The following SEC14L4 variants were observed in gnomAD, a reference collection of about 807,000 sequenced individuals.
The protein encoded by SEC14L4 is SEC14-like protein 4.
A neutral mutation model predicts 55.1 loss-of-function variants in SEC14L4; 42 were observed. The ratio of observed to expected loss-of-function variants is 0.76; its 90% confidence interval spans 0.60 to 0.99. SEC14L4 has a LOEUF of 0.99. Among genes scored for constraint, SEC14L4 ranks in the 50% least tolerant of loss-of-function variants. The pLI is 0.00. For synonymous variants in SEC14L4, 206 were observed against 206.8 expected (o/e 1.00, Z 0.03); for missense variants, 445 against 512.1 (o/e 0.87, Z 1.27).
At chr22:30,498,303 A>C (rs1936215223) in intron 2 of SEC14L4, among the ~76,000 whole-genome samples, 1 of 151,532 alleles carries the variant, frequency 6.6e-6, no homozygotes, top group Non-Finnish European at 1.5e-5. Context: ...TTGTATTTTT[A>C]TTAGCCAGGT....
chr22:30,504,288 C>CA (rs1462412261), intron 1 of SEC14L4, among the ~76,000 whole-genome samples: 1 of 151,666 alleles, frequency 6.6e-6, no homozygotes, highest in Non-Finnish European at 1.5e-5. Context: ...CTCCTTGGCT[C>CA]AAACAATCCA....
rs1406577088 is a variant in SEC14L4, at chr22:30,491,508, AAG to A, written c.1081+63_1081+64del. On this transcript the variant is annotated intron_variant, in intron 11 of 11. Coordinates refer to ENST00000255858, the MANE Select transcript of SEC14L4 (RefSeq NM_174977.4). ...TCCCCCCACCCTCCCGAGAGCTGGA[AAG>A]AGAGGGCAAGCAGAGGGGAGACTGG... 7.5e-6 allele frequency: 12 copies of A among 1,592,938 alleles called. No individual in the cohort carries two copies. The East Asian group carries it at 2.7e-4, about 36-fold the overall frequency.
intron 2 of SEC14L4, among the ~76,000 whole-genome samples, chr22:30,496,868 G>A (rs1246137568): frequency 6.6e-6 from 1 of 152,130 alleles, no homozygotes; most frequent in Non-Finnish European, 1.5e-5. Context: ...CACTTTAATT[G>A]AAAACATGAT....
At position 30,496,352 on chromosome 22, in the gene SEC14L4, G is replaced by A. The variant is rs545813966; in HGVS notation, c.131-381C>T. On this transcript the variant is annotated intron_variant, in intron 2 of 11. Transcript: ENST00000255858. ...TTGCCCAGGCTGGTCTTGAACTCCT[G>A]GCCTCAAGCAGTCCTCCCACCTCAG... Among the ~76,000 whole-genome samples the A allele has an allele frequency of 4.6e-3, 706 of 151,934 alleles. 16 individuals are homozygous for A. Among genetic ancestry groups the A allele is most frequent in the African/African-American group, 0.016 (674 of 41,396 alleles).
At chr22:30,493,731 C>T (rs1342347483) in intron 7 of SEC14L4, among the ~76,000 whole-genome samples, 5 of 152,258 alleles carry the variant, frequency 3.3e-5, no homozygotes, top group East Asian at 3.9e-4. Context: ...AGGCCGGGTG[C>T]GGTGGCTCAC....
intron 4 of SEC14L4, 45 bp downstream of exon 4, chr22:30,495,538 G>C (rs1258508035): frequency 3.1e-6 from 5 of 1,611,140 alleles, no homozygotes; most frequent in Non-Finnish European, 4.2e-6. Flanking sequence ...AGATGTCAGG[G>C]GTGAGGGGCC....
In SEC14L4 at chr22:30,489,826, C is replaced by T; in HGVS notation, c.*281G>A. On this transcript the variant is annotated 3_prime_UTR_variant, in exon 12 of 12. Coordinates refer to ENST00000255858, the MANE Select transcript of SEC14L4 (RefSeq NM_174977.4). ...AAAGGGCAGCTTCTGCAAGCAGGACCCATCCTCAGTGGACTGGATCATCTT... is the reference window on the plus strand; with the variant it reads ...AAAGGGCAGCTTCTGCAAGCAGGACTCATCCTCAGTGGACTGGATCATCTT... 6.5e-7 allele frequency: 1 copy of T among 1,535,590 alleles called. No homozygotes were observed. The highest frequency in any genetic ancestry group is 8.8e-7 in the Non-Finnish European group (1 of 1,132,268).
intron 2 of SEC14L4, among the ~76,000 whole-genome samples, chr22:30,502,086 G>A (rs1156447852): frequency 6.6e-6 from 1 of 151,428 alleles, no homozygotes; most frequent in South Asian, 2.1e-4. Flanking sequence ...GGCTGGTCTC[G>A]AACTCCTGGC....
rs1330013291 is a variant in SEC14L4, at chr22:30,495,921, T to A, written c.174+7A>T. On this transcript the variant is annotated splice_region_variant and intron_variant, in intron 3 of 11. Coordinates refer to ENST00000255858, the MANE Select transcript of SEC14L4 (RefSeq NM_174977.4). ...AAGGCAGGGCAGTAGGGATCACAGA[T>A]CCTTACCCTTCGGAGCATGTCTTCG... The A allele has an allele frequency of 6.2e-7, 1 of 1,613,836 alleles. No individual in the cohort carries two copies. The highest frequency in any genetic ancestry group is 1.1e-5 in the South Asian group (1 of 91,038).
At chr22:30,504,422 G>A (rs1936429523) in intron 1 of SEC14L4, among the ~76,000 whole-genome samples, 2 of 152,194 alleles carry the variant, frequency 1.3e-5, no homozygotes, top group South Asian at 2.1e-4. Context: ...TTTTAGGAAT[G>A]TTGTCCCTGA....
intron 2 of SEC14L4, among the ~76,000 whole-genome samples, chr22:30,497,501 G>A (rs1472866043): frequency 2.0e-5 from 3 of 151,664 alleles, no homozygotes; most frequent in African/African-American, 7.3e-5. Flanking sequence ...CTCCAGCCTG[G>A]GTGACTGAGT....
At position 30,495,256 on chromosome 22, in the gene SEC14L4, T is replaced by C; in HGVS notation, c.421A>G (p.Lys141Glu). The change falls in exon 5 of 12, where the codon AAG (lysine) becomes GAG (glutamate). Residue 141 changes from lysine to glutamate, a missense_variant and splice_region_variant. Lys to Glu is a moderately conservative substitution (Grantham distance 56). Transcript: ENST00000255858. The stretch of plus-strand genomic sequence containing the variant: ...CCAGCCCCACCCCCGCTGCTCACCT[T>C]CTGAGTTTGCAGCTCACACTCATGC... ...LLHECELQTQ[K>E]LGRKIEMALM... 3 of 1,608,038 alleles carry C rather than the reference T, an allele frequency of 1.9e-6. No homozygotes were observed. Among genetic ancestry groups the C allele is most frequent in the Non-Finnish European group, 1.7e-6 (2 of 1,177,110 alleles).
intron 1 of SEC14L4, among the ~76,000 whole-genome samples, chr22:30,504,926 C>T (rs1936443758): frequency 6.6e-6 from 1 of 151,976 alleles, no homozygotes; most frequent in Non-Finnish European, 1.5e-5. Context: ...ACCAGCCTGT[C>T]CAAGAGACCT....
chr22:30,505,372 TG>T (rs1338315128), intron 1 of SEC14L4, among the ~76,000 whole-genome samples, 185 bp downstream of exon 1: 5 of 152,146 alleles, frequency 3.3e-5, no homozygotes, highest in Non-Finnish European at 7.4e-5. Context: ...CACGCAGAGA[TG>T]GGCCCCTGTC....
intron 2 of SEC14L4, among the ~76,000 whole-genome samples, chr22:30,499,836 T>G (rs1936264530): frequency 6.6e-6 from 1 of 152,032 alleles, no homozygotes; most frequent in Admixed American, 6.6e-5. Context: ...CACTCTCTCA[T>G]AGGTTCTTAA....
intron 2 of SEC14L4, among the ~76,000 whole-genome samples, chr22:30,499,947 G>A (rs1483329470): frequency 6.6e-6 from 1 of 150,972 alleles, no homozygotes; most frequent in East Asian, 2.0e-4. Context: ...TTGGCTCACT[G>A]CAACGTCTGC....
chr22:30,501,840 C>T (rs1223280807), intron 2 of SEC14L4, among the ~76,000 whole-genome samples: 2 of 84,286 alleles, frequency 2.4e-5, no homozygotes, highest in African/African-American at 5.2e-5. Flanking sequence ...TATACACACA[C>T]ACGCACATAT....
At chr22:30,500,820 G>A (rs1479775329) in intron 2 of SEC14L4, among the ~76,000 whole-genome samples, 1 of 142,186 alleles carries the variant, frequency 7.0e-6, no homozygotes, top group Non-Finnish European at 1.5e-5. Flanking sequence ...AGGGGACCAG[G>A]GCAGGCACAT....
At position 30,492,382 on chromosome 22, in the gene SEC14L4, G is replaced by A. The variant is rs751291311; in HGVS notation, c.664+92C>T. ...CAGGGTCAGGCCAGGGGTAGTGCCC[G>A]AGTAGAGGACGAGCCAGGGAGAAGC... On this transcript the variant is annotated intron_variant, in intron 8 of 11. Coordinates refer to ENST00000255858, the MANE Select transcript of SEC14L4 (RefSeq NM_174977.4). The A allele has an allele frequency of 9.2e-4, 1,187 of 1,287,524 alleles. 3 individuals are homozygous for A. Among genetic ancestry groups the A allele is most frequent in the Non-Finnish European group, 1.2e-3 (1,034 of 895,746 alleles). 79.8% of individuals were successfully genotyped at this position (1,287,524 alleles called of 1,614,324 possible).
Sources: gnomAD v4.1 joint callset for allele counts (sites outside exome capture counted in the v4.1 genomes callset) on GRCh38, gnomAD v4.1.1 for gene constraint, MANE v1.5 for transcripts, NCBI Gene and HGNC (gene_info 2026-07-23, HGNC 2026-07-21) for gene names.